BEND3: variants seen among roughly 807,000 people sequenced by gnomAD.
The protein encoded by BEND3 is BEN domain containing 3, also known as BEN domain-containing protein 3.
In BEND3, 13 loss-of-function variants were observed where a neutral mutation model predicts 60.1. That is an observed-to-expected ratio of 0.22 (90% CI 0.14 to 0.34). The LOEUF is 0.34. Among genes scored for constraint, BEND3 ranks in the 10% least tolerant of loss-of-function variants. The pLI, the probability that BEND3 is intolerant of heterozygous loss-of-function variation, is 1.00. For missense variants in BEND3, 896 were observed against 1,138.1 expected, an observed-to-expected ratio of 0.79 and a Z score of 3.06; for synonymous variants, 497 against 491.5, an observed-to-expected ratio of 1.01 and a Z score of -0.15.
chr6:107,068,672 T>C lies in BEND3; in HGVS notation c.*32A>G. 1 of 1,594,550 alleles carries C rather than the reference T, an allele frequency of 6.3e-7. No homozygotes were observed. Among genetic ancestry groups the C allele is most frequent in the Non-Finnish European group, 8.5e-7 (1 of 1,170,888 alleles). On this transcript the variant is annotated 3_prime_UTR_variant, in exon 4 of 4. Transcript: ENST00000369042. This position sits in a 1 kb window ranked among gnomAD's most constrained non-coding sequence, Gnocchi z 5.8. The stretch of plus-strand genomic sequence containing the variant: ...AGGGTGCCCATCGCTCAGCCTCTGG[T>C]GACCCCGAATCTCTGGGCAGGTCAC...
intron 1 of BEND3, among the ~76,000 whole-genome samples, chr6:107,109,160 G>C (rs914578569): frequency 5.9e-5 from 9 of 151,880 alleles, no homozygotes; most frequent in Middle Eastern, 3.4e-3. Flanking sequence ...TGGTGGGGGC[G>C]GGGGGCGGTC....
intron 3 of BEND3, among the ~76,000 whole-genome samples, chr6:107,083,263 T>C (rs1282156298): frequency 1.3e-5 from 2 of 152,136 alleles, no homozygotes; most frequent in Non-Finnish European, 2.9e-5. Flanking sequence ...TCACAAGGTA[T>C]GCGGCAAGTG....
chr6:107,073,193 A>ATGTG (rs1775019229), intron 3 of BEND3, among the ~76,000 whole-genome samples: 3 of 34,556 alleles, frequency 8.7e-5, no homozygotes, highest in Admixed American at 3.2e-4. Context: ...CAGGGTTTGT[A>ATGTG]TGTGTATGTA....
intron 3 of BEND3, among the ~76,000 whole-genome samples, chr6:107,075,681 G>T (rs782679390): frequency 1.3e-5 from 2 of 152,136 alleles, no homozygotes; most frequent in South Asian, 2.1e-4. Context: ...TTAAAATAAG[G>T]TTCCATTAGC....
At chr6:107,098,306 T>A (rs1554236278) in intron 3 of BEND3, among the ~76,000 whole-genome samples, 2 of 152,102 alleles carry the variant, frequency 1.3e-5, no homozygotes, top group Non-Finnish European at 2.9e-5. Context: ...CACAGCAAAA[T>A]AACGCAAAAG....
intron 3 of BEND3, among the ~76,000 whole-genome samples, chr6:107,088,660 C>G (rs1775407546): frequency 6.6e-6 from 1 of 152,192 alleles, no homozygotes; most frequent in Admixed American, 6.5e-5. Flanking sequence ...CACCTACATT[C>G]TCCTTAGAAA....
At chr6:107,075,871 C>G (rs959876819) in intron 3 of BEND3, among the ~76,000 whole-genome samples, 1 of 152,196 alleles carries the variant, frequency 6.6e-6, no homozygotes, top group Non-Finnish European at 1.5e-5. Flanking sequence ...ATTCCTACAG[C>G]AGGTGGGAGG....
intron 3 of BEND3, among the ~76,000 whole-genome samples, chr6:107,098,101 G>GGA (rs1554236250): frequency 6.6e-6 from 1 of 152,208 alleles, no homozygotes; most frequent in African/African-American, 2.4e-5. Context: ...CTTGAGGCCA[G>GGA]GAGTTCAAGA....
Position 107,066,213 on chromosome 6 carries a change from A to C in BEND3, c.*2491T>G, listed in dbSNP as rs1162802275. 6.6e-6 allele frequency: 1 copy of C among 152,198 alleles called. No individual in the cohort carries two copies. The highest frequency in any genetic ancestry group is 2.4e-5 in the African/African-American group (1 of 41,452). 9.4% of individuals were successfully genotyped at this position (152,198 alleles called of 1,614,324 possible). A position where few individuals can be genotyped will look rare whatever the true frequency, so the allele number is the denominator to read the frequency against. On this transcript the variant is annotated 3_prime_UTR_variant, in exon 4 of 4. Transcript: ENST00000369042. Reference sequence around the variant, plus strand: ...GAACACATTAAATTTTGAAAAAATAAGTATTTTGTACTTCTATTGCTTCAT... The same window carrying C: ...GAACACATTAAATTTTGAAAAAATACGTATTTTGTACTTCTATTGCTTCAT...
At chr6:107,090,662 TTTTGTTATTATAAGGTAC>T (rs1775457067) in intron 3 of BEND3, among the ~76,000 whole-genome samples, 1 of 152,184 alleles carries the variant, frequency 6.6e-6, no homozygotes, top group Non-Finnish European at 1.5e-5. Flanking sequence ...ATTTGGACTC[TTTTGTTATTATAAGGTAC>T]TCACACCACT....
At chr6:107,079,485 G>C (rs998359683) in intron 3 of BEND3, among the ~76,000 whole-genome samples, 2 of 152,140 alleles carry the variant, frequency 1.3e-5, no homozygotes, top group African/African-American at 4.8e-5. Flanking sequence ...TGTAACATAT[G>C]CCCACTGGGG....
At chr6:107,108,966 G>A (rs947318952) in intron 1 of BEND3, among the ~76,000 whole-genome samples, 2 of 152,018 alleles carry the variant, frequency 1.3e-5, no homozygotes, top group Non-Finnish European at 2.9e-5. Flanking sequence ...CACCACACCT[G>A]GCTAATTTTT....
At chr6:107,087,485 C>T (rs1351984863) in intron 3 of BEND3, among the ~76,000 whole-genome samples, 1 of 151,932 alleles carries the variant, frequency 6.6e-6, no homozygotes, top group Admixed American at 6.6e-5. Context: ...GTCGGCGAGG[C>T]GCAAGCACTT....
intron 3 of BEND3, among the ~76,000 whole-genome samples, chr6:107,082,515 A>C (rs1414589158): frequency 6.6e-6 from 1 of 152,076 alleles, no homozygotes; most frequent in Non-Finnish European, 1.5e-5. Context: ...GCTCACTACA[A>C]CTTCTACCTC....
At chr6:107,073,367 A>G (rs1554232376) in intron 3 of BEND3, among the ~76,000 whole-genome samples, 2 of 148,966 alleles carry the variant, frequency 1.3e-5, no homozygotes, top group East Asian at 2.0e-4. Flanking sequence ...GACATACCAG[A>G]GTGGAGGCAG....
chr6:107,113,388 A>G (rs1031332822), intron 1 of BEND3, among the ~76,000 whole-genome samples: 19 of 146,084 alleles, frequency 1.3e-4, no homozygotes, highest in Non-Finnish European at 2.4e-4. Flanking sequence ...CAGTGAGCAG[A>G]GATCAAGCCA....
At chr6:107,077,392 C>A (rs1415018743) in intron 3 of BEND3, among the ~76,000 whole-genome samples, 1 of 152,054 alleles carries the variant, frequency 6.6e-6, no homozygotes, top group Non-Finnish European at 1.5e-5. Flanking sequence ...TGACCTGAGC[C>A]GGTTCACCCC....
intron 1 of BEND3, among the ~76,000 whole-genome samples, chr6:107,104,684 T>C (rs1258369706): frequency 6.6e-6 from 1 of 152,010 alleles, no homozygotes; most frequent in Non-Finnish European, 1.5e-5. Flanking sequence ...TTGGATTTTT[T>C]TTTTTTTTAA....
intron 3 of BEND3, among the ~76,000 whole-genome samples, chr6:107,094,253 C>T (rs58626548): frequency 6.6e-6 from 1 of 152,008 alleles, no homozygotes; most frequent in African/African-American, 2.4e-5. Context: ...AGCCACTTCA[C>T]CAAAAAAGCT....
Sources: allele counts gnomAD v4.1 joint callset (sites outside exome capture counted in the v4.1 genomes callset), GRCh38; gene constraint gnomAD v4.1.1; non-coding constraint Gnocchi (gnomAD v3.1); transcripts MANE v1.5; gene names NCBI Gene and HGNC (gene_info 2026-07-23, HGNC 2026-07-21).